The following PDE4D variants were observed in gnomAD, a reference collection of about 807,000 sequenced individuals.
The protein encoded by PDE4D is phosphodiesterase 4D.
PDE4D carries 24 observed loss-of-function variants against 87.4 expected under a neutral mutation model. The observed-to-expected ratio is 0.27, with a 90% CI of 0.20 to 0.39. PDE4D has a LOEUF of 0.39. PDE4D is among the 10% of genes least tolerant of loss of function. The probability of loss-of-function intolerance (pLI) is 1.00; values close to 1 mark genes in which losing one functional copy is unlikely to be tolerated. For missense variants in PDE4D, 714 were observed against 1,041.0 expected (o/e 0.69, Z 4.32); for synonymous variants, 384 against 383.2 (o/e 1.00, Z -0.02).
At chr5:60,390,202 C>T (rs1332528847) in intron 1 of PDE4D, among the ~76,000 whole-genome samples, 1 of 152,164 alleles carries the variant, frequency 6.6e-6, no homozygotes, top group South Asian at 2.1e-4. Context: ...GAGCTCTGTG[C>T]AGCCTGCTTG....
At chr5:59,858,228 C>T (rs1221982202) in intron 1 of PDE4D, among the ~76,000 whole-genome samples, 2 of 152,034 alleles carry the variant, frequency 1.3e-5, no homozygotes, top group Non-Finnish European at 2.9e-5. Flanking sequence ...GCAGCTGAAG[C>T]TCACCTGGCA....
intron 1 of PDE4D, among the ~76,000 whole-genome samples, chr5:59,591,916 C>A (rs1261913486): frequency 6.6e-6 from 1 of 152,046 alleles, no homozygotes; most frequent in African/African-American, 2.4e-5. Flanking sequence ...AAGCTCCCCC[C>A]ATAAATATAT....
intron 1 of PDE4D, among the ~76,000 whole-genome samples, chr5:59,531,663 T>C (rs556931706): frequency 6.6e-6 from 1 of 152,294 alleles, no homozygotes; most frequent in East Asian, 1.9e-4. Flanking sequence ...GGCCCCCTTC[T>C]TTCATTTCCA....
chr5:60,025,611 T>C (rs1485576289), intron 2 of PDE4D, among the ~76,000 whole-genome samples: 2 of 152,118 alleles, frequency 1.3e-5, no homozygotes, highest in African/African-American at 4.8e-5. Flanking sequence ...AATTCTAATA[T>C]AATGAGAAGA....
chr5:59,224,261 A>G (rs1364333201), intron 1 of PDE4D, among the ~76,000 whole-genome samples: 2 of 150,614 alleles, frequency 1.3e-5, no homozygotes, highest in African/African-American at 4.9e-5. Flanking sequence ...CAGTCTGGGT[A>G]ACACAGTGAG....
intron 1 of PDE4D, among the ~76,000 whole-genome samples, chr5:59,855,471 C>T (rs541955504): frequency 4.5e-4 from 68 of 152,216 alleles, no homozygotes; most frequent in African/African-American, 1.6e-3. Context: ...AGCATGCTCT[C>T]CAAGGGAACT....
chr5:59,558,642 GT>G (rs1480703427), intron 1 of PDE4D: 1 of 152,060 alleles, frequency 6.6e-6, no homozygotes, highest in Non-Finnish European at 1.5e-5. Flanking sequence ...AAAACTGAAG[GT>G]GTTAAAAATG....
intron 1 of PDE4D, among the ~76,000 whole-genome samples, chr5:60,417,734 T>C (rs1370228480): frequency 6.6e-6 from 1 of 152,194 alleles, no homozygotes; most frequent in African/African-American, 2.4e-5. Context: ...AAAACTCTTC[T>C]GAATGGGCTC....
At chr5:60,050,359 C>T (rs1769972232) in intron 2 of PDE4D, among the ~76,000 whole-genome samples, 1 of 152,058 alleles carries the variant, frequency 6.6e-6, no homozygotes, top group Admixed American at 6.5e-5. Flanking sequence ...TAGACCAGAG[C>T]TGTTCCTATT....
At chr5:60,368,179 A>G (rs1760715532) in intron 1 of PDE4D, among the ~76,000 whole-genome samples, 1 of 152,226 alleles carries the variant, frequency 6.6e-6, no homozygotes, top group Non-Finnish European at 1.5e-5. Flanking sequence ...TATTTAAAAT[A>G]GGAAAAGTCG....
chr5:60,463,321 C>T (rs1747105081), intron 1 of PDE4D, among the ~76,000 whole-genome samples: 1 of 152,066 alleles, frequency 6.6e-6, no homozygotes, highest in Non-Finnish European at 1.5e-5. Flanking sequence ...TTGGCAAATT[C>T]CAGTAGCCTG....
intron 1 of PDE4D, among the ~76,000 whole-genome samples, chr5:59,691,330 T>C (rs545045106): frequency 1.3e-5 from 2 of 151,984 alleles, no homozygotes; most frequent in African/African-American, 4.8e-5. Context: ...CAAATGTCCA[T>C]CAATGATAGA....
At chr5:59,102,808 G>A (rs930358781) in intron 5 of PDE4D, among the ~76,000 whole-genome samples, 3 of 152,086 alleles carry the variant, frequency 2.0e-5, no homozygotes, top group Non-Finnish European at 2.9e-5. Context: ...TTTAACAAGG[G>A]CATGGGTTTG....
chr5:59,457,153 T>A (rs948398034), intron 1 of PDE4D, among the ~76,000 whole-genome samples: 2 of 152,348 alleles, frequency 1.3e-5, no homozygotes, highest in East Asian at 3.9e-4. Context: ...AAGTCTTTTA[T>A]GAAGAGAAAA....
intron 1 of PDE4D, among the ~76,000 whole-genome samples, chr5:59,818,758 C>T (rs1304721563): frequency 6.6e-6 from 1 of 152,076 alleles, no homozygotes; most frequent in African/African-American, 2.4e-5. Flanking sequence ...GGCTCCCTCA[C>T]TCCATGTAGG....
At chr5:59,163,375 G>A (rs1161342379) in intron 5 of PDE4D, among the ~76,000 whole-genome samples, 1 of 149,552 alleles carries the variant, frequency 6.7e-6, no homozygotes, top group African/African-American at 2.5e-5. Flanking sequence ...AGGTTCAAGC[G>A]ATTCTCCTGC....
At chr5:59,711,815 T>C (rs949453716) in intron 1 of PDE4D, among the ~76,000 whole-genome samples, 8 of 152,164 alleles carry the variant, frequency 5.3e-5, no homozygotes, top group African/African-American at 1.9e-4. Context: ...AGGAAAATGC[T>C]TATAAAGGTT....
chr5:59,941,092 G>A (rs1237339054), intron 3 of PDE4D, among the ~76,000 whole-genome samples: 3 of 152,160 alleles, frequency 2.0e-5, no homozygotes, highest in Admixed American at 2.0e-4. Context: ...TTCTTTGGTT[G>A]TTTAGTGAGG....
At chr5:58,995,216 A>G (rs1235600945) in intron 6 of PDE4D, among the ~76,000 whole-genome samples, 1 of 152,130 alleles carries the variant, frequency 6.6e-6, no homozygotes, top group Non-Finnish European at 1.5e-5. Flanking sequence ...GCTATAGAAA[A>G]TGTAGAAAGC....
Sources: allele counts gnomAD v4.1 joint callset (sites outside exome capture counted in the v4.1 genomes callset), GRCh38; gene constraint gnomAD v4.1.1; transcripts MANE v1.5; gene names NCBI Gene and HGNC (gene_info 2026-07-23, HGNC 2026-07-21).